PRSS56: variants seen among roughly 807,000 people sequenced by gnomAD.
PRSS56 encodes the protein serine protease 56, also known as protease, serine 56.
PRSS56 carries 55 observed loss-of-function variants against 66.8 expected under a neutral mutation model. That is an observed-to-expected ratio of 0.82 (90% CI 0.66 to 1.03). The LOEUF is 1.03. Ranked by LOEUF, PRSS56 falls within the 50% of genes least tolerant of loss-of-function variation. The pLI, the probability that PRSS56 is intolerant of heterozygous loss-of-function variation, is 0.00. For synonymous variants in PRSS56, 409 were observed against 387.9 expected, an observed-to-expected ratio of 1.05 and a Z score of -0.64; for missense variants, 869 against 837.2, an observed-to-expected ratio of 1.04 and a Z score of -0.47.
Position 232,524,338 on chromosome 2 carries a change from G to A in PRSS56, c.1383G>A (p.Lys461=), listed in dbSNP as rs1350453050. 1.3e-6 allele frequency: 2 copies of A among 1,535,642 alleles called. No individual in the cohort carries two copies. The highest frequency in any genetic ancestry group is 4.9e-5 in the East Asian group (2 of 40,920). Residue 461 remains lysine, a synonymous_variant, in exon 11 of 13, where the codon AAG becomes AAA. Transcript: ENST00000617714. ...GGGCTGCAGGCACTCGGTTCCCGAA[G>A]CGGAGGCCGGAGCCGCGCGGAGAAG... ...GSRAAGTRFP[K]RRPEPRGEAN... is the part of the protein sequence containing the mutation.
In PRSS56 at chr2:232,524,313, G is replaced by A. The variant is rs1691359504; in HGVS notation, c.1358G>A (p.Arg453Gln). ...ARELRLHSGS[R>Q]AAGTRFPKRR... is the part of the protein sequence containing the mutation. Reference sequence around the variant, plus strand: ...TAACCCTGTGCCTCCCCAGGATCGCGGGCTGCAGGCACTCGGTTCCCGAAG... The same window carrying A: ...TAACCCTGTGCCTCCCCAGGATCGCAGGCTGCAGGCACTCGGTTCCCGAAG... The change falls in exon 11 of 13, where the codon CGG becomes CAG. Residue 453 changes from arginine (R) to glutamine (Q), a missense_variant. By Grantham distance (43) the Arg-to-Gln change is conservative. Coordinates refer to ENST00000617714, the MANE Select transcript of PRSS56 (RefSeq NM_001195129.2). 1 of 1,535,752 alleles carries A rather than the reference G, an allele frequency of 6.5e-7. No homozygotes were observed. The highest frequency in any genetic ancestry group is 1.2e-5 in the South Asian group (1 of 84,056).
In PRSS56 at chr2:232,521,800, G is replaced by T; in HGVS notation, c.206-16G>T. 4.6e-6 allele frequency: 7 copies of T among 1,535,796 alleles called. 1 individual carries two copies. The highest frequency in any genetic ancestry group is 2.7e-5 in the African/African-American group (2 of 73,158). On this transcript the variant is annotated splice_polypyrimidine_tract_variant and intron_variant, in intron 2 of 12. Transcript: ENST00000617714. The stretch of plus-strand genomic sequence containing the variant: ...GAGAGGGCAGCAGTGAGACTCAAAG[G>T]TCTGTTTCTCTGCAGGATCTGGGCG...
Position 232,524,313 on chromosome 2 carries a change from G to C in PRSS56, c.1358G>C (p.Arg453Pro). ...ARELRLHSGS[R>P]AAGTRFPKRR... ...TAACCCTGTGCCTCCCCAGGATCGC[G>C]GGCTGCAGGCACTCGGTTCCCGAAG... Residue 453 changes from arginine to proline, a missense_variant, in exon 11 of 13, where the codon CGG becomes CCG. By Grantham distance (103) the Arg-to-Pro change is moderately radical. Transcript: ENST00000617714. 2 of 1,535,752 alleles carry C rather than the reference G, an allele frequency of 1.3e-6. No homozygotes were observed. The highest frequency in any genetic ancestry group is 1.7e-6 in the Non-Finnish European group (2 of 1,146,826).
At position 232,521,418 on chromosome 2, in the gene PRSS56, C is replaced by T. The variant is rs1284707241; in HGVS notation, c.195C>T (p.His65=). ...RVAMEIQHRS[H]ECRGSGRPRP... is the part of the protein sequence containing the mutation. ...CGATGGAGATCCAGCACAGATCGCA[C>T]GAGTGCCGAGGTGCCCACCCTGCCC... is the stretch of plus-strand genomic sequence containing the variant. The change falls in exon 2 of 13, where the codon CAC becomes CAT. Residue 65 remains histidine (H), a synonymous_variant. Coordinates refer to ENST00000617714, the MANE Select transcript of PRSS56 (RefSeq NM_001195129.2). The T allele has an allele frequency of 1.1e-5, 17 of 1,535,948 alleles. No homozygotes were observed. Among genetic ancestry groups the T allele is most frequent in the Admixed American group, 3.9e-5 (2 of 50,988 alleles).
rs11902035 is a variant in PRSS56 at position 232,521,722 on chromosome 2, G to C, written c.206-94G>C. The C allele has an allele frequency of 7.4e-5, 95 of 1,289,512 alleles. 1 individual carries two copies. The highest frequency in any genetic ancestry group is 1.1e-4 in the Admixed American group (5 of 46,690). 79.9% of individuals were successfully genotyped at this position (1,289,512 alleles called of 1,614,324 possible). On this transcript the variant is annotated intron_variant, in intron 2 of 12. Transcript: ENST00000617714. ...CCGTGTGGGCTGGAGGGCTGAGCGC[G>C]AAAGGAGAGATGGGGAGAGAGAGGC...
At chr2:232,524,005 C>T (rs1467412630) in intron 9 of PRSS56, 34 bp from the exon 10 acceptor site, 2 of 1,525,114 alleles carry the variant, frequency 1.3e-6, no homozygotes, top group East Asian at 5.0e-5. Flanking sequence ...TGGCCAGCCT[C>T]TGACCGCCGC....
In PRSS56 at chr2:232,525,274, C is replaced by A; in HGVS notation, c.1580C>A (p.Ala527Glu). 1 of 1,519,760 alleles carries A rather than the reference C, an allele frequency of 6.6e-7. No homozygotes were observed. The highest frequency in any genetic ancestry group is 8.8e-7 in the Non-Finnish European group (1 of 1,137,302). 94.1% of individuals were successfully genotyped at this position (1,519,760 alleles called of 1,614,324 possible). A position where few individuals can be genotyped will look rare whatever the true frequency, so the allele number is the denominator to read the frequency against. Residue 527 changes from alanine to glutamate, a missense_variant, in exon 13 of 13, where the codon GCA becomes GAA. By Grantham distance (107) the Ala-to-Glu change is moderately radical. Around this residue, in one of 3 missense-constraint regions of PRSS56, gnomAD observed 551 missense variants for 506.9 expected, o/e 1.09. Transcript: ENST00000617714. Reference protein sequence around the residue: ...LTGLFRAWVRAGLGGRHVAFS... With the variant: ...LTGLFRAWVREGLGGRHVAFS... Reference sequence around the variant, plus strand: ...GGGCTTTTCAGAGCCTGGGTGCGGGCAGGCTTGGGGGGCCGGCATGTGGCC... The same window carrying A: ...GGGCTTTTCAGAGCCTGGGTGCGGGAAGGCTTGGGGGGCCGGCATGTGGCC...
intron 4 of PRSS56, 34 bp from the exon 5 acceptor site, chr2:232,522,481 C>T: frequency 6.6e-7 from 1 of 1,507,704 alleles, no homozygotes; most frequent in Non-Finnish European, 8.9e-7. Flanking sequence ...GTGCCCCTGT[C>T]CTTCCTGCGT....
intron 12 of PRSS56, 122 bp downstream of exon 12, chr2:232,524,966 A>G: frequency 1.2e-6 from 1 of 864,046 alleles, no homozygotes; most frequent in Non-Finnish European, 1.7e-6. Flanking sequence ...CCTCTGCCCC[A>G]GCTCTGGGGG....
chr2:232,524,992 A>T, intron 12 of PRSS56, 148 bp downstream of exon 12: 1 of 422,928 alleles, frequency 2.4e-6, no homozygotes, highest in Middle Eastern at 4.7e-4. Flanking sequence ...AGAGGGTCCG[A>T]GGGGAAGGGA....
In PRSS56 at chr2:232,521,393, C is replaced by T. The variant is rs899970313; in HGVS notation, c.170C>T (p.Ala57Val). ...RSAQWAINRV[A>V]MEIQHRSHEC... ...GCCCAGTGGGCAATAAACCGAGTGG[C>T]GATGGAGATCCAGCACAGATCGCAC... is the stretch of plus-strand genomic sequence containing the variant. The change falls in exon 2 of 13, where the codon GCG (alanine) becomes GTG (valine). Residue 57 changes from alanine (A) to valine (V), a missense_variant. Ala to Val is a moderately conservative substitution (Grantham distance 64). Coordinates refer to ENST00000617714, the MANE Select transcript of PRSS56 (RefSeq NM_001195129.2). The T allele has an allele frequency of 5.9e-6, 9 of 1,536,024 alleles. No individual in the cohort carries two copies. The highest frequency in any genetic ancestry group is 3.6e-5 in the South Asian group (3 of 84,072).
intron 8 of PRSS56, 55 bp downstream of exon 8, chr2:232,523,633 G>A: frequency 2.7e-6 from 4 of 1,503,488 alleles, no homozygotes; most frequent in Non-Finnish European, 3.5e-6. Context: ...ACAACCGTGG[G>A]ACAAGCCCGT....
chr2:232,523,933 C>G lies in PRSS56; in HGVS notation c.1174C>G (p.Arg392Gly). 2 of 1,507,018 alleles carry G rather than the reference C, an allele frequency of 1.3e-6. No individual in the cohort carries two copies. The highest frequency in any genetic ancestry group is 2.1e-5 in the Admixed American group (1 of 47,110). 93.4% of individuals were successfully genotyped at this position (1,507,018 alleles called of 1,614,324 possible). The change falls in exon 9 of 13, where the codon CGG becomes GGG. Residue 392 changes from arginine to glycine, a missense_variant. Coordinates refer to ENST00000617714, the MANE Select transcript of PRSS56 (RefSeq NM_001195129.2). The part of the protein sequence containing the change: ...RLAHQQCLQR[R>G]RRCELRSLAH... ...GGCGCACCAGCAGTGCCTGCAGCGC[C>G]GGCGGCGATGCGGTCAGTTCTGTTC...
chr2:232,524,883 G>C, intron 12 of PRSS56, 39 bp downstream of exon 12: 3 of 1,461,876 alleles, frequency 2.1e-6, no homozygotes, highest in Non-Finnish European at 2.8e-6. Context: ...ACGATGGCCT[G>C]GGAAGGCTGA....
intron 12 of PRSS56, 107 bp from the exon 13 acceptor site, chr2:232,525,109 A>G: frequency 8.8e-7 from 1 of 1,140,082 alleles, no homozygotes; most frequent in Non-Finnish European, 1.2e-6. Flanking sequence ...CAGGGTTTCC[A>G]GGTCTAGGTG....
Position 232,522,782 on chromosome 2 carries a change from C to T in PRSS56, c.627C>T (p.Pro209=), listed in dbSNP as rs1691311199. The change falls in exon 6 of 13, where the codon CCC becomes CCT. Residue 209 remains proline, a synonymous_variant. Transcript: ENST00000617714. ...TGAGCCCGGGGGGATCGGCGCGCCC[C>T]GTGTGCCTGCCCCAGGAGCCCCAGG... ...TPVSPGGSAR[P]VCLPQEPQEP... The T allele has an allele frequency of 3.3e-6, 5 of 1,519,884 alleles. No homozygotes were observed. Among genetic ancestry groups the T allele is most frequent in the East Asian group, 2.5e-5 (1 of 40,512 alleles). The allele number at this position is 1,519,884 out of a possible 1,614,324, so 94.1% of individuals were successfully genotyped here. A position where few individuals can be genotyped will look rare whatever the true frequency, so the allele number is the denominator to read the frequency against.
At position 232,520,606 on chromosome 2, in the gene PRSS56, T is replaced by C; in HGVS notation, c.8T>C (p.Leu3Pro). 1 of 1,536,090 alleles carries C rather than the reference T, an allele frequency of 6.5e-7. No homozygotes were observed. The highest frequency in any genetic ancestry group is 8.7e-7 in the Non-Finnish European group (1 of 1,146,850). ...CCCCAGCTCCTGGTCACCATGCTGC[T>C]GGCTGTGCTGCTGCTGCTACCCCTC... ML[L>P]AVLLLLPLPS... The change falls in exon 1 of 13, where the codon CTG becomes CCG. Residue 3 changes from leucine (L) to proline (P), a missense_variant. Transcript: ENST00000617714.
At position 232,520,526 on chromosome 2, in the gene PRSS56, A is replaced by C; in HGVS notation, c.-73A>C. On this transcript the variant is annotated 5_prime_UTR_variant, in exon 1 of 13. Coordinates refer to ENST00000617714, the MANE Select transcript of PRSS56 (RefSeq NM_001195129.2). ...AAAGGCAGCAGAAGGCGGGCACCAA[A>C]GGATAGGCACCCGGAAGGTGGACTC... 7.8e-7 allele frequency: 1 copy of C among 1,274,610 alleles called. No homozygotes were observed. The highest frequency in any genetic ancestry group is 1.1e-6 in the Non-Finnish European group (1 of 908,608). The allele number at this position is 1,274,610 out of a possible 1,614,324, so 79.0% of individuals were successfully genotyped here. A position where few individuals can be genotyped will look rare whatever the true frequency, so the allele number is the denominator to read the frequency against.
At chr2:232,524,272 C>T (rs1691355138) in intron 10 of PRSS56, 35 bp from the exon 11 acceptor site, 3 of 1,535,406 alleles carry the variant, frequency 2.0e-6, no homozygotes, top group Non-Finnish European at 2.6e-6. Flanking sequence ...CCACTTTCTC[C>T]GCCGAGGCGG....
Sources: allele counts gnomAD v4.1 joint callset, GRCh38; gene constraint gnomAD v4.1.1; regional missense constraint gnomAD v4.1.1; transcripts MANE v1.5; gene names NCBI Gene and HGNC (gene_info 2026-07-23, HGNC 2026-07-21).